Variants in PFKFB3 observed in about 807,000 individuals in gnomAD.
PFKFB3 encodes the protein 6-phosphofructo-2-kinase/fructose-2,6-bisphosphatase 3.
A neutral mutation model predicts 68.0 loss-of-function variants in PFKFB3; 33 were observed. That is an observed-to-expected ratio of 0.49 (90% CI 0.37 to 0.65). PFKFB3 has a LOEUF of 0.65. Among genes scored for constraint, PFKFB3 ranks in the 30% least tolerant of loss-of-function variants. The pLI, the probability that PFKFB3 is intolerant of heterozygous loss-of-function variation, is 0.00. For synonymous variants in PFKFB3, 315 were observed against 288.2 expected (o/e 1.09, Z -0.94); for missense variants, 586 against 712.2 (o/e 0.82, Z 2.02).
At chr10:6,191,903 G>A (rs1843032835) in intron 1 of PFKFB3, among the ~76,000 whole-genome samples, 1 of 152,038 alleles carries the variant, frequency 6.6e-6, no homozygotes, top group Non-Finnish European at 1.5e-5. Context: ...TGGTGTCCAG[G>A]TGGCTCGGAC....
chr10:6,146,974 C>T (rs1257334704), intron 1 of PFKFB3, among the ~76,000 whole-genome samples: 1 of 152,240 alleles, frequency 6.6e-6, no homozygotes, highest in African/African-American at 2.4e-5. Flanking sequence ...GTGCTGTCTG[C>T]GTTTCCCGGT....
chr10:6,238,000 C>T (rs1034035847), downstream of PFKFB3, among the ~76,000 whole-genome samples: 11 of 151,740 alleles, frequency 7.2e-5, no homozygotes, highest in South Asian at 6.3e-4. Flanking sequence ...TTTGTGAAGG[C>T]GCTGGTTTCA....
the PFKFB3 span, among the ~76,000 whole-genome samples, chr10:6,261,026 G>C: frequency 3.2e-3 from 493 of 152,360 alleles, 3 homozygotes; most frequent in African/African-American, 0.011. Flanking sequence ...CAGGAGGTCA[G>C]TTCCCTGCAT....
In PFKFB3 at chr10:6,182,433, C is replaced by G. The variant is rs150139602; in HGVS notation, c.17-31190C>G. On this transcript the variant is annotated intron_variant, in intron 1 of 14. Coordinates refer to the PFKFB3 transcript ENST00000379789. ...GAGTGGAGGCTGGGAAGGAAGCGGT[C>G]CTGGTGCTGCCGGCAGCCTTTCCAT... is the stretch of plus-strand genomic sequence containing the variant. 4.8e-3 allele frequency among the ~76,000 whole-genome samples: 729 copies of G among 152,286 alleles called. 8 individuals carry two copies. The highest frequency in any genetic ancestry group is 0.017 in the African/African-American group (703 of 41,548).
intron 1 of PFKFB3, among the ~76,000 whole-genome samples, chr10:6,197,058 C>A (rs1843197639): frequency 3.9e-5 from 6 of 151,914 alleles, no homozygotes; most frequent in Admixed American, 3.9e-4. Flanking sequence ...GATCTCGGCT[C>A]ACTGCAGCCT....
intron 1 of PFKFB3, among the ~76,000 whole-genome samples, chr10:6,179,356 C>T (rs905765622): frequency 6.6e-6 from 1 of 152,228 alleles, no homozygotes; most frequent in Non-Finnish European, 1.5e-5. Context: ...TTGAGCCACA[C>T]AAATCCAAAT....
intron 14 of PFKFB3, among the ~76,000 whole-genome samples, chr10:6,242,315 C>G (rs1430800671): frequency 6.6e-6 from 1 of 152,136 alleles, no homozygotes; most frequent in Non-Finnish European, 1.5e-5. Flanking sequence ...TGAACTAAGT[C>G]TCTGCAAGCT....
chr10:6,231,258 G>A, intron 14 of PFKFB3: 1 of 1,597,184 alleles, frequency 6.3e-7, no homozygotes, highest in Non-Finnish European at 8.6e-7. Context: ...CACTCTGCTT[G>A]AAAGACGAAC....
chr10:6,221,871 G>A (rs1588516644), intron 10 of PFKFB3, 126 bp downstream of exon 10: 3 of 638,134 alleles, frequency 4.7e-6, no homozygotes, highest in African/African-American at 1.8e-5. Context: ...CCTCCACCTT[G>A]GAACTGAGTC....
Position 6,215,408 on chromosome 10 carries a change from C to T in PFKFB3, c.299+91C>T, listed in dbSNP as rs542699111. 52 of 932,730 alleles carry T rather than the reference C, an allele frequency of 5.6e-5. No individual in the cohort carries two copies. In the East Asian group the frequency reaches 7.8e-4, roughly 14 times the overall value. 57.8% of individuals were successfully genotyped at this position (932,730 alleles called of 1,614,324 possible). ...GGGCTGCAGGAGTAAGGCTGGGCCG[C>T]GGGCGTAGGGCTGGGCTGTGGGAAT... On this transcript the variant is annotated intron_variant, in intron 3 of 14. Transcript: ENST00000379775. This position sits in a 1 kb window ranked among gnomAD's most constrained non-coding sequence, Gnocchi z 4.3.
chr10:6,225,218 G>T (rs777729073), intron 13 of PFKFB3: 1 of 456,260 alleles, frequency 2.2e-6, no homozygotes, highest in African/African-American at 2.0e-5. Flanking sequence ...TAGACCGAGC[G>T]TGACTTTCTG....
chr10:6,307,533 C>G, the PFKFB3 span, among the ~76,000 whole-genome samples: 298 of 137,774 alleles, frequency 2.2e-3, 2 homozygotes, highest in Admixed American at 4.1e-3. Context: ...TTCCTTCCTT[C>G]CTTCCTTCCT....
intron 1 of PFKFB3, among the ~76,000 whole-genome samples, chr10:6,211,844 C>A (rs1844251581): frequency 2.0e-5 from 3 of 152,242 alleles, no homozygotes; most frequent in Non-Finnish European, 4.4e-5. Flanking sequence ...CTAATGGTCT[C>A]CAAATAGCAT....
the PFKFB3 span, chr10:6,293,893 ATACCATTATC>A: frequency 2.2e-6 from 1 of 457,554 alleles, no homozygotes; most frequent in Admixed American, 2.6e-5. Flanking sequence ...CTGAACACAT[ATACCATTATC>A]TATTGATTTA....
At chr10:6,292,427 G>T in the PFKFB3 span, among the ~76,000 whole-genome samples, 13 of 150,552 alleles carry the variant, frequency 8.6e-5, no homozygotes, top group Non-Finnish European at 1.8e-4. Context: ...TGGGACTACA[G>T]GCGCCCACCA....
Position 6,234,013 on chromosome 10 carries a change from C to T in PFKFB3, c.*1071C>T, listed in dbSNP as rs898835125. ...ATCTGCCTTGTGCCTGGCACTCTGC[C>T]GGTGCCTTGGGAAGGTCGGAAGAGT... On this transcript the variant is annotated 3_prime_UTR_variant, in exon 15 of 15. Coordinates refer to ENST00000379775, the MANE Select transcript of PFKFB3 (RefSeq NM_004566.4). The T allele has an allele frequency of 3.3e-5, 5 of 152,458 alleles. No individual in the cohort carries two copies. The highest frequency in any genetic ancestry group is 4.4e-5 in the Non-Finnish European group (3 of 68,108). 9.4% of individuals were successfully genotyped at this position (152,458 alleles called of 1,614,324 possible). A position where few individuals can be genotyped will look rare whatever the true frequency, so the allele number is the denominator to read the frequency against.
the PFKFB3 span, among the ~76,000 whole-genome samples, chr10:6,319,230 A>G: frequency 5.3e-5 from 8 of 152,244 alleles, no homozygotes; most frequent in Non-Finnish European, 1.5e-5. Flanking sequence ...TTGTGGCACT[A>G]TTCACAATAG....
chr10:6,281,984 G>A, the PFKFB3 span, among the ~76,000 whole-genome samples: 4 of 147,764 alleles, frequency 2.7e-5, no homozygotes, highest in East Asian at 7.8e-4. Flanking sequence ...TAAGAGATGA[G>A]GTCTCACTAT....
chr10:6,194,382 GAC>G (rs1399545589), intron 1 of PFKFB3, among the ~76,000 whole-genome samples: 1 of 152,240 alleles, frequency 6.6e-6, no homozygotes, highest in African/African-American at 2.4e-5. Flanking sequence ...GAATTGCACA[GAC>G]TTTTGAAAAC....
Sources: allele counts gnomAD v4.1 joint callset (sites outside exome capture counted in the v4.1 genomes callset), GRCh38; gene constraint gnomAD v4.1.1; non-coding constraint Gnocchi (gnomAD v3.1); transcripts MANE v1.5; gene names NCBI Gene and HGNC (gene_info 2026-07-23, HGNC 2026-07-21).